Variants in PAPPA2 observed in about 807,000 individuals in gnomAD.
PAPPA2 encodes the protein pappalysin-2.
PAPPA2 carries 86 observed loss-of-function variants against 176.4 expected under a neutral mutation model. The observed-to-expected ratio is 0.49, with a 90% CI of 0.41 to 0.58. The LOEUF is 0.58. Among genes scored for constraint, PAPPA2 ranks in the 20% least tolerant of loss-of-function variants. The pLI is 0.00. For synonymous variants in PAPPA2, 809 were observed against 852.2 expected, an observed-to-expected ratio of 0.95 and a Z score of 0.88; for missense variants, 2,073 against 2,256.9, an observed-to-expected ratio of 0.92 and a Z score of 1.65.
intron 3 of PAPPA2, among the ~76,000 whole-genome samples, chr1:176,643,274 G>T (rs900503249): frequency 1.3e-5 from 2 of 151,862 alleles, no homozygotes; most frequent in African/African-American, 4.8e-5. Flanking sequence ...ATTCATGTCT[G>T]TCTGAATTCA....
chr1:176,561,678 C>T (rs916099092), intron 2 of PAPPA2, among the ~76,000 whole-genome samples: 14 of 152,082 alleles, frequency 9.2e-5, no homozygotes, highest in Admixed American at 3.9e-4. Context: ...TTTCTGGAGG[C>T]CATAAAACCT....
intron 12 of PAPPA2, among the ~76,000 whole-genome samples, chr1:176,716,231 C>CTTTTTTTTTTTTTTTTT (rs371904164): frequency 7.5e-6 from 1 of 133,234 alleles, no homozygotes; most frequent in Non-Finnish European, 1.6e-5. Flanking sequence ...TAACCTCTTT[C>CTTTTTTTTTTTTTTTTT]TTTTTTTTTT....
intron 2 of PAPPA2, among the ~76,000 whole-genome samples, chr1:176,593,603 A>G (rs1450647280): frequency 6.6e-6 from 1 of 152,206 alleles, no homozygotes; most frequent in African/African-American, 2.4e-5. Context: ...ATCTGTGATC[A>G]TGCCACATCT....
intron 2 of PAPPA2, among the ~76,000 whole-genome samples, chr1:176,567,088 T>G (rs1185499730): frequency 6.6e-6 from 1 of 152,196 alleles, no homozygotes; most frequent in Non-Finnish European, 1.5e-5. Context: ...AGAAAGCATA[T>G]TTCTATGCTA....
intron 3 of PAPPA2, among the ~76,000 whole-genome samples, chr1:176,666,810 T>C (rs368350582): frequency 6.6e-6 from 1 of 151,686 alleles, no homozygotes; most frequent in African/African-American, 2.4e-5. Context: ...CATAAACAAT[T>C]AAAAGTACAG....
intron 1 of PAPPA2, among the ~76,000 whole-genome samples, chr1:176,517,232 GTCTTGAT>G (rs1648966232): frequency 6.6e-6 from 1 of 152,114 alleles, no homozygotes; most frequent in South Asian, 2.1e-4. Context: ...GATTAATTGG[GTCTTGAT>G]CAATCTGCTA....
At chr1:176,594,460 C>T (rs1653834764) in intron 2 of PAPPA2, 64 bp from the exon 3 acceptor site, 1 of 1,366,492 alleles carries the variant, frequency 7.3e-7, no homozygotes, top group Admixed American at 2.1e-5. Flanking sequence ...CTTTCTTCTC[C>T]CTTTCTCCAT....
intron 12 of PAPPA2, among the ~76,000 whole-genome samples, chr1:176,726,857 TA>T (rs1240525077): frequency 2.6e-5 from 4 of 152,072 alleles, no homozygotes; most frequent in East Asian, 1.9e-4. Context: ...CGTAAGTGGG[TA>T]AAAAAGGAAG....
intron 14 of PAPPA2, 76 bp downstream of exon 14, chr1:176,740,272 T>C: frequency 7.2e-7 from 1 of 1,384,856 alleles, no homozygotes; most frequent in Non-Finnish European, 9.9e-7. Flanking sequence ...CATAGTGTTA[T>C]GTATAGAGTG....
chr1:176,515,386 G>A (rs1648850260), intron 1 of PAPPA2, among the ~76,000 whole-genome samples: 1 of 152,142 alleles, frequency 6.6e-6, no homozygotes, highest in Non-Finnish European at 1.5e-5. Context: ...GGTTGGATGG[G>A]TCAGCAATAC....
At chr1:176,634,942 GATAGGTAGATAGATAGATAGATAA>G (rs1479195495) in intron 3 of PAPPA2, among the ~76,000 whole-genome samples, 2 of 144,388 alleles carry the variant, frequency 1.4e-5, no homozygotes, top group African/African-American at 5.4e-5. Flanking sequence ...GATGATAGAT[GATAGGTAGATAGATAGATAGATAA>G]ATAGATAGAT....
At chr1:176,796,845 CT>C (rs1347006565) in intron 20 of PAPPA2, among the ~76,000 whole-genome samples, 5 of 150,534 alleles carry the variant, frequency 3.3e-5, no homozygotes, top group East Asian at 2.0e-4. Flanking sequence ...TTCTGACCCC[CT>C]CTCTCTCTCC....
intron 7 of PAPPA2, 107 bp downstream of exon 7, chr1:176,695,966 ATGTGTGTGTGTGTGTGTGTGTGTG>A: frequency 1.5e-4 from 129 of 863,206 alleles, no homozygotes; most frequent in South Asian, 3.6e-4. Flanking sequence ...ATGTATGTGT[ATGTGTGTGTGTGTGTGTGTGTGTG>A]TGTGTGTGTG....
At chr1:176,604,661 C>A (rs997188680) in intron 3 of PAPPA2, among the ~76,000 whole-genome samples, 1 of 152,192 alleles carries the variant, frequency 6.6e-6, no homozygotes. Flanking sequence ...AAAAAAACTG[C>A]CAACCCCTGC....
At chr1:176,729,616 A>T (rs1662038753) in intron 12 of PAPPA2, among the ~76,000 whole-genome samples, 1 of 152,104 alleles carries the variant, frequency 6.6e-6, no homozygotes, top group Non-Finnish European at 1.5e-5. Context: ...CAATTAGAAG[A>T]ACTAGAGAAG....
intron 4 of PAPPA2, among the ~76,000 whole-genome samples, chr1:176,682,967 A>G (rs1441759515): frequency 2.0e-5 from 3 of 152,002 alleles, no homozygotes; most frequent in Non-Finnish European, 4.4e-5. Context: ...GAACTGTTTT[A>G]GAGTTTTTCA....
chr1:176,778,418 C>T (rs1294783923), intron 17 of PAPPA2, among the ~76,000 whole-genome samples: 1 of 152,112 alleles, frequency 6.6e-6, no homozygotes, highest in African/African-American at 2.4e-5. Context: ...AAGGGCATGT[C>T]CTGGAGACAT....
chr1:176,636,626 T>C (rs1327727057), intron 3 of PAPPA2, among the ~76,000 whole-genome samples: 1 of 152,138 alleles, frequency 6.6e-6, no homozygotes, highest in Admixed American at 6.6e-5. Flanking sequence ...CCCTCACAAA[T>C]TGTATTGTAC....
At chr1:176,488,350 A>G (rs1335016832) in intron 1 of PAPPA2, among the ~76,000 whole-genome samples, 4 of 152,108 alleles carry the variant, frequency 2.6e-5, no homozygotes, top group African/African-American at 4.8e-5. Context: ...CCCCATATAT[A>G]TTGGTTTATA....
Sources: gnomAD v4.1 joint callset for allele counts (sites outside exome capture counted in the v4.1 genomes callset) on GRCh38, gnomAD v4.1.1 for gene constraint, MANE v1.5 for transcripts, NCBI Gene and HGNC (gene_info 2026-07-23, HGNC 2026-07-21) for gene names.